Variants in NRXN3 observed in about 807,000 individuals in gnomAD.
NRXN3 encodes neurexin 3, also known as neurexin III.
Under a neutral mutation model 137.6 loss-of-function variants are expected in NRXN3, and 32 were observed. That is an observed-to-expected ratio of 0.23 (90% confidence interval 0.18 to 0.31). NRXN3 has a LOEUF of 0.31. Among genes scored for constraint, NRXN3 ranks in the 10% least tolerant of loss-of-function variants. NRXN3 has a pLI of 1.00. For missense variants in NRXN3, 1,574 were observed against 2,062.5 expected, an observed-to-expected ratio of 0.76 and a Z score of 4.59; for synonymous variants, 798 against 784.5, an observed-to-expected ratio of 1.02 and a Z score of -0.29.
At chr14:78,742,990 G>A (rs2098587189) in intron 8 of NRXN3, among the ~76,000 whole-genome samples, 1 of 151,954 alleles carries the variant, frequency 6.6e-6, no homozygotes, top group Non-Finnish European at 1.5e-5. Context: ...TTTTTTATTT[G>A]AATTGAGCTT....
At chr14:79,782,264 G>T (rs531168247) in intron 19 of NRXN3, among the ~76,000 whole-genome samples, 2 of 152,262 alleles carry the variant, frequency 1.3e-5, no homozygotes, top group Non-Finnish European at 2.9e-5. Context: ...GCCAGATTCT[G>T]GTTCATTAAC....
At chr14:78,605,764 G>A (rs1485217816) in intron 4 of NRXN3, among the ~76,000 whole-genome samples, 1 of 152,076 alleles carries the variant, frequency 6.6e-6, no homozygotes, top group Non-Finnish European at 1.5e-5. Flanking sequence ...GTGTTAAATG[G>A]TGTAGTAGTA....
At position 78,445,556 on chromosome 14, in the gene NRXN3, T is replaced by C. The variant is rs138909136; in HGVS notation, c.757+147696T>C. 2.9e-3 allele frequency among the ~76,000 whole-genome samples: 438 copies of C among 152,236 alleles called. 3 individuals are homozygous for C. Among genetic ancestry groups the C allele is most frequent in the African/African-American group, 0.01 (419 of 41,518 alleles). On this transcript the variant is annotated intron_variant, in intron 4 of 20. Transcript: ENST00000335750. Reference sequence around the variant, plus strand: ...AATGAGTGTGGGCATTGTGGTTGCATTAGGCCCCTCCCCATGTTCTCTGTT... The same window carrying C: ...AATGAGTGTGGGCATTGTGGTTGCACTAGGCCCCTCCCCATGTTCTCTGTT...
chr14:79,609,054 A>T (rs1259923940), intron 16 of NRXN3, among the ~76,000 whole-genome samples: 1 of 152,216 alleles, frequency 6.6e-6, no homozygotes, highest in Non-Finnish European at 1.5e-5. Context: ...GCAAATCCGA[A>T]GACTTGAATT....
At chr14:78,503,361 A>G (rs2095916709) in intron 4 of NRXN3, among the ~76,000 whole-genome samples, 1 of 152,188 alleles carries the variant, frequency 6.6e-6, no homozygotes, top group Non-Finnish European at 1.5e-5. Flanking sequence ...GGCCAGGAGA[A>G]CAACAGACAA....
chr14:79,388,726 G>A (rs1477123105), intron 15 of NRXN3, among the ~76,000 whole-genome samples: 7 of 152,100 alleles, frequency 4.6e-5, no homozygotes, highest in African/African-American at 1.7e-4. Context: ...AGAGGGAGAG[G>A]CAATTAATTT....
intron 19 of NRXN3, among the ~76,000 whole-genome samples, chr14:79,704,204 A>G (rs1296605925): frequency 6.6e-6 from 1 of 151,862 alleles, no homozygotes; most frequent in Non-Finnish European, 1.5e-5. Context: ...AAAATGGTTA[A>G]ATATTAGCAA....
intron 15 of NRXN3, among the ~76,000 whole-genome samples, chr14:79,172,611 A>G (rs2061897046): frequency 6.6e-6 from 1 of 152,212 alleles, no homozygotes; most frequent in East Asian, 1.9e-4. Flanking sequence ...ATGAATAAAT[A>G]CTATCTAAAT....
chr14:78,638,002 T>C (rs1434285449), intron 4 of NRXN3, among the ~76,000 whole-genome samples: 1 of 152,204 alleles, frequency 6.6e-6, no homozygotes, highest in Non-Finnish European at 1.5e-5. Context: ...TACCATTAGC[T>C]TTCTAGTGAT....
At chr14:79,719,573 A>G (rs1433691953) in intron 19 of NRXN3, among the ~76,000 whole-genome samples, 1 of 151,942 alleles carries the variant, frequency 6.6e-6, no homozygotes, top group Non-Finnish European at 1.5e-5. Flanking sequence ...ACTCTCACTG[A>G]TTTTACTTTC....
intron 20 of NRXN3, among the ~76,000 whole-genome samples, chr14:79,845,366 A>G (rs1420592260): frequency 2.0e-5 from 3 of 152,228 alleles, no homozygotes; most frequent in African/African-American, 7.2e-5. Context: ...TTTTTGGCCT[A>G]TTTCAGCTTT....
At chr14:78,889,604 C>A (rs1050095543) in intron 10 of NRXN3, among the ~76,000 whole-genome samples, 1 of 151,960 alleles carries the variant, frequency 6.6e-6, no homozygotes, top group Non-Finnish European at 1.5e-5. Flanking sequence ...TTACTCAACA[C>A]AAATTTAAAG....
intron 20 of NRXN3, among the ~76,000 whole-genome samples, chr14:79,816,126 C>T (rs146689700): frequency 3.9e-5 from 6 of 152,256 alleles, no homozygotes; most frequent in African/African-American, 1.4e-4. Context: ...TAAAAACTAG[C>T]TTGGTCATCT....
At chr14:79,159,178 T>A (rs932986266) in intron 15 of NRXN3, among the ~76,000 whole-genome samples, 3 of 151,860 alleles carry the variant, frequency 2.0e-5, no homozygotes, top group Non-Finnish European at 4.4e-5. Context: ...ACCTTTGTTC[T>A]TGACTAATCT....
intron 4 of NRXN3, among the ~76,000 whole-genome samples, chr14:78,604,453 A>T (rs2064328002): frequency 6.6e-6 from 1 of 152,176 alleles, no homozygotes. Context: ...GAACCTCCTA[A>T]CCAAGGGCTG....
At chr14:78,329,323 G>T (rs1168092948) in intron 4 of NRXN3, among the ~76,000 whole-genome samples, 1 of 152,164 alleles carries the variant, frequency 6.6e-6, no homozygotes, top group Non-Finnish European at 1.5e-5. Flanking sequence ...ACGAGGGCTT[G>T]AGGGGGAAGC....
At chr14:79,062,116 C>T (rs1359911824) in intron 15 of NRXN3, among the ~76,000 whole-genome samples, 1 of 152,080 alleles carries the variant, frequency 6.6e-6, no homozygotes, top group East Asian at 1.9e-4. Flanking sequence ...TTCAAGGGGT[C>T]CCCATTAGGA....
chr14:78,278,042 G>A (rs900688995), intron 2 of NRXN3, among the ~76,000 whole-genome samples: 4 of 152,198 alleles, frequency 2.6e-5, no homozygotes, highest in African/African-American at 9.7e-5. Flanking sequence ...TGCTGTCTGT[G>A]ATGAAGCGTG....
intron 8 of NRXN3, among the ~76,000 whole-genome samples, chr14:78,769,142 G>C (rs1049850229): frequency 1.3e-5 from 2 of 152,036 alleles, no homozygotes; most frequent in Non-Finnish European, 2.9e-5. Flanking sequence ...GGTTCAAAAG[G>C]GCTACTTATG....
Sources: gnomAD v4.1 joint callset for allele counts (sites outside exome capture counted in the v4.1 genomes callset) on GRCh38, gnomAD v4.1.1 for gene constraint, MANE v1.5 for transcripts, NCBI Gene and HGNC (gene_info 2026-07-23, HGNC 2026-07-21) for gene names.